COBLL1: variants seen among roughly 807,000 people sequenced by gnomAD.
The protein encoded by COBLL1 is cordon-bleu protein-like 1.
COBLL1 carries 50 observed loss-of-function variants against 94.8 expected under a neutral mutation model. The ratio of observed to expected loss-of-function variants is 0.53; its 90% confidence interval spans 0.42 to 0.67. The LOEUF is 0.67. COBLL1 is among the 30% of genes least tolerant of loss of function. COBLL1 has a pLI of 0.00. For missense variants in COBLL1, 1,362 were observed against 1,348.7 expected, an observed-to-expected ratio of 1.01 and a Z score of -0.15; for synonymous variants, 448 against 473.8, an observed-to-expected ratio of 0.95 and a Z score of 0.71.
At chr2:164,717,406 G>A (rs1203824997) in intron 7 of COBLL1, among the ~76,000 whole-genome samples, 5 of 152,064 alleles carry the variant, frequency 3.3e-5, no homozygotes, top group Admixed American at 1.3e-4. Context: ...AGATACAAAC[G>A]TTTATAGTGA....
intron 3 of COBLL1, among the ~76,000 whole-genome samples, chr2:164,741,252 C>G (rs35212788): frequency 0.22 from 33,814 of 151,468 alleles, 4,231 homozygotes; most frequent in African/African-American, 0.33. Flanking sequence ...CTCCAGCCTG[C>G]GCAACAGAGC....
At chr2:164,803,579 A>G (rs1574618374) in intron 2 of COBLL1, among the ~76,000 whole-genome samples, 1 of 128,210 alleles carries the variant, frequency 7.8e-6, no homozygotes, top group Non-Finnish European at 1.6e-5. Flanking sequence ...ATAAATAAAT[A>G]AATAAATAAA....
intron 2 of COBLL1, among the ~76,000 whole-genome samples, chr2:164,835,452 T>C (rs1269545649): frequency 6.6e-6 from 1 of 152,170 alleles, no homozygotes. Flanking sequence ...GTAGTCAAAA[T>C]CAGAGACAAA....
intron 2 of COBLL1, among the ~76,000 whole-genome samples, chr2:164,839,941 A>G (rs748778890): frequency 1.3e-5 from 2 of 152,284 alleles, no homozygotes; most frequent in Non-Finnish European, 2.9e-5. Flanking sequence ...AAATGAAATA[A>G]TTAATACACT....
chr2:164,718,874 A>C (rs571356750), intron 7 of COBLL1, among the ~76,000 whole-genome samples: 2 of 152,210 alleles, frequency 1.3e-5, no homozygotes, highest in East Asian at 3.9e-4. Context: ...AGCAACAATA[A>C]GTCAAATCTT....
intron 2 of COBLL1, among the ~76,000 whole-genome samples, chr2:164,803,678 C>A (rs1416077096): frequency 4.6e-5 from 7 of 152,118 alleles, no homozygotes. Flanking sequence ...CTTATGATAT[C>A]TTTTGTCAAC....
intron 2 of COBLL1, among the ~76,000 whole-genome samples, chr2:164,814,022 T>C (rs1684588598): frequency 6.6e-6 from 1 of 152,148 alleles, no homozygotes; most frequent in Non-Finnish European, 1.5e-5. Context: ...TGTAACAAGG[T>C]CAGAACAGGC....
intron 2 of COBLL1, among the ~76,000 whole-genome samples, chr2:164,767,735 T>G (rs1574550662): frequency 6.6e-6 from 1 of 152,224 alleles, no homozygotes; most frequent in Non-Finnish European, 1.5e-5. Flanking sequence ...CATAATTTTT[T>G]GGTTAGGGTA....
In COBLL1 at chr2:164,744,335, C is replaced by T. The variant is rs377288875; in HGVS notation, c.42-460G>A. Among the ~76,000 whole-genome samples, 9 of 152,258 alleles carry T rather than the reference C, an allele frequency of 5.9e-5. No individual in the cohort carries two copies. In the East Asian group the frequency reaches 9.7e-4, roughly 16 times the overall value. On this transcript the variant is annotated intron_variant, in intron 2 of 13. Transcript: ENST00000652658. ...AGTATGTTCCACCTCTCGATTCAGA[C>T]AAACCCTACCTTATCCTTCAGAGAC...
chr2:164,769,948 T>C (rs925211798), intron 2 of COBLL1, among the ~76,000 whole-genome samples: 1 of 152,218 alleles, frequency 6.6e-6, no homozygotes, highest in Admixed American at 6.5e-5. Flanking sequence ...CCTTTCTCTT[T>C]AGGTGTCTTT....
chr2:164,706,140 T>C (rs1294938662), intron 7 of COBLL1, among the ~76,000 whole-genome samples: 1 of 152,206 alleles, frequency 6.6e-6, no homozygotes, highest in Admixed American at 6.5e-5. Flanking sequence ...CTTTGATCCA[T>C]TAAAAGGATT....
intron 2 of COBLL1, among the ~76,000 whole-genome samples, chr2:164,839,241 A>G (rs528876423): frequency 6.6e-6 from 1 of 152,336 alleles, no homozygotes; most frequent in South Asian, 2.1e-4. Context: ...TTGACAAATT[A>G]GATAAGGCTC....
chr2:164,841,323 AG>A lies in COBLL1; in HGVS notation c.-50-78del. 2 of 1,208,668 alleles carry A rather than the reference AG, an allele frequency of 1.7e-6. No homozygotes were observed. Among genetic ancestry groups the A allele is most frequent in the Non-Finnish European group, 2.1e-6 (2 of 973,038 alleles). The allele number at this position is 1,208,668 out of a possible 1,614,324, so 74.9% of individuals were successfully genotyped here. A position where few individuals can be genotyped will look rare whatever the true frequency, so the allele number is the denominator to read the frequency against. ...CCGGAGCGAAGCTGGCTGAGCGTCA[AG>A]AGCCCGCCCGAGCCGCTCCAGCCCC... On this transcript the variant is annotated intron_variant, in intron 1 of 13. Transcript: ENST00000652658. This position sits in a 1 kb window ranked among gnomAD's most constrained non-coding sequence, Gnocchi z 5.5.
rs539916077 is a variant in COBLL1 at position 164,826,904 on chromosome 2, TTTTG to T, written c.41+14248_41+14251del. Among the ~76,000 whole-genome samples, 205 of 152,204 alleles carry T rather than the reference TTTTG, an allele frequency of 1.3e-3. 5 individuals carry two copies. The South Asian group carries it at 0.041, about 31-fold the overall frequency. On this transcript the variant is annotated intron_variant, in intron 2 of 13. Transcript: ENST00000652658. ...TTTTTTGTCTTTGTTTCGTTTTTTTTTTTGTTTCTCTCTCTTTTTTGTTTTGTTT... is the reference window on the plus strand; with the variant it reads ...TTTTTTGTCTTTGTTTCGTTTTTTTTTTTCTCTCTCTTTTTTGTTTTGTTT...
intron 9 of COBLL1, among the ~76,000 whole-genome samples, chr2:164,701,339 A>C (rs758302761): frequency 3.3e-5 from 5 of 152,232 alleles, no homozygotes; most frequent in Admixed American, 1.3e-4. Flanking sequence ...ATGCAACCTC[A>C]GTTAAAAGCC....
chr2:164,809,887 CTGG>C (rs147704695), intron 2 of COBLL1, among the ~76,000 whole-genome samples: 2,336 of 151,294 alleles, frequency 0.015, 27 homozygotes, highest in South Asian at 0.028. Flanking sequence ...CCACACAATT[CTGG>C]TAATTATTTA....
chr2:164,765,116 A>G (rs561913997), intron 2 of COBLL1, among the ~76,000 whole-genome samples: 10 of 152,310 alleles, frequency 6.6e-5, no homozygotes, highest in African/African-American at 2.4e-4. Flanking sequence ...GAACATAATA[A>G]ATGGATCAGA....
chr2:164,687,710 G>T, intron 13 of COBLL1: 1 of 682,832 alleles, frequency 1.5e-6, no homozygotes, highest in Non-Finnish European at 2.7e-6. Context: ...CAAGGAAGCT[G>T]CTGTTTGCAG....
intron 7 of COBLL1, among the ~76,000 whole-genome samples, chr2:164,714,103 G>A (rs1685043438): frequency 6.6e-6 from 1 of 151,658 alleles, no homozygotes; most frequent in African/African-American, 2.4e-5. Context: ...TCTCTCTCAG[G>A]CCAGGTCAGG....
Sources: allele counts gnomAD v4.1 joint callset (sites outside exome capture counted in the v4.1 genomes callset), GRCh38; gene constraint gnomAD v4.1.1; non-coding constraint Gnocchi (gnomAD v3.1); transcripts MANE v1.5; gene names NCBI Gene and HGNC (gene_info 2026-07-23, HGNC 2026-07-21).